PTPRK: variants seen among roughly 807,000 people sequenced by gnomAD.
PTPRK encodes the protein protein tyrosine phosphatase receptor type K.
PTPRK carries 75 observed loss-of-function variants against 178.0 expected under a neutral mutation model. The observed-to-expected ratio is 0.42, with a 90% CI of 0.35 to 0.51. The LOEUF is 0.51. PTPRK is among the 20% of genes least tolerant of loss of function. PTPRK has a pLI of 0.02. For missense variants in PTPRK, 1,441 were observed against 1,797.8 expected (o/e 0.80, Z 3.59); for synonymous variants, 637 against 620.6 (o/e 1.03, Z -0.39).
intron 3 of PTPRK, among the ~76,000 whole-genome samples, chr6:128,261,503 C>T (rs767805633): frequency 6.6e-6 from 1 of 152,006 alleles, no homozygotes; most frequent in Non-Finnish European, 1.5e-5. Flanking sequence ...ATGTTTGTAA[C>T]ACAGTAAAAA....
intron 1 of PTPRK, among the ~76,000 whole-genome samples, chr6:128,453,914 CA>C (rs1280761230): frequency 2.0e-5 from 3 of 152,028 alleles, no homozygotes; most frequent in Non-Finnish European, 4.4e-5. Context: ...TCCAGGTAAC[CA>C]AATAGCCCTG....
intron 1 of PTPRK, among the ~76,000 whole-genome samples, chr6:128,515,184 C>T (rs1299688322): frequency 6.6e-6 from 1 of 152,128 alleles, no homozygotes; most frequent in Non-Finnish European, 1.5e-5. Context: ...TGTCTATCCC[C>T]ATTTATAAAA....
At chr6:128,196,146 T>C (rs779605679) in intron 6 of PTPRK, among the ~76,000 whole-genome samples, 1 of 152,188 alleles carries the variant, frequency 6.6e-6, no homozygotes, top group Middle Eastern at 3.4e-3. Context: ...TCATGGGCAA[T>C]TGGAGAATAT....
chr6:128,168,890 T>A (rs1482002818), intron 7 of PTPRK, among the ~76,000 whole-genome samples: 7 of 152,106 alleles, frequency 4.6e-5, no homozygotes, highest in Non-Finnish European at 1.0e-4. Context: ...TATATCTACA[T>A]AATTCTTCCC....
chr6:128,328,970 C>A (rs1178300478), intron 2 of PTPRK, among the ~76,000 whole-genome samples: 2 of 151,914 alleles, frequency 1.3e-5, no homozygotes, highest in African/African-American at 4.8e-5. Context: ...ATTATGTAAC[C>A]TCTGGGAAAT....
intron 6 of PTPRK, among the ~76,000 whole-genome samples, chr6:128,204,848 A>G (rs1299805489): frequency 2.0e-5 from 3 of 152,212 alleles, no homozygotes; most frequent in African/African-American, 7.2e-5. Flanking sequence ...TGCGGAAGAC[A>G]GTGTGGCAAT....
At chr6:128,295,156 T>C (rs1824087245) in intron 3 of PTPRK, among the ~76,000 whole-genome samples, 1 of 152,142 alleles carries the variant, frequency 6.6e-6, no homozygotes, top group Admixed American at 6.6e-5. Context: ...TGTCAACATA[T>C]GAATACTTTC....
At chr6:128,341,970 C>T (rs780848336) in intron 2 of PTPRK, among the ~76,000 whole-genome samples, 6 of 152,064 alleles carry the variant, frequency 3.9e-5, no homozygotes, top group Admixed American at 6.6e-5. Flanking sequence ...AAGGTATATA[C>T]GGCCAGTCGC....
intron 1 of PTPRK, among the ~76,000 whole-genome samples, chr6:128,442,057 T>C (rs963760967): frequency 1.3e-5 from 2 of 152,160 alleles, no homozygotes; most frequent in Non-Finnish European, 2.9e-5. Context: ...TGAATAAATA[T>C]CAGAAAAGAC....
chr6:128,079,765 G>C (rs1180349625), intron 10 of PTPRK, among the ~76,000 whole-genome samples: 1 of 151,926 alleles, frequency 6.6e-6, no homozygotes, highest in African/African-American at 2.4e-5. Context: ...ATTAAAAGTA[G>C]GAATTCACAT....
At chr6:128,274,013 A>G (rs968320999) in intron 3 of PTPRK, among the ~76,000 whole-genome samples, 1 of 152,166 alleles carries the variant, frequency 6.6e-6, no homozygotes, top group African/African-American at 2.4e-5. Flanking sequence ...ATATGGTAAG[A>G]GTGAAAACAA....
chr6:128,210,589 T>G (rs933700666), intron 6 of PTPRK, among the ~76,000 whole-genome samples: 5 of 152,166 alleles, frequency 3.3e-5, no homozygotes, highest in African/African-American at 7.2e-5. Flanking sequence ...TCGGAAGAGC[T>G]GGCTTTGCCT....
chr6:128,387,524 T>C (rs1838915661), intron 2 of PTPRK, among the ~76,000 whole-genome samples: 1 of 152,254 alleles, frequency 6.6e-6, no homozygotes, highest in Non-Finnish European at 1.5e-5. Context: ...TTATAAATGT[T>C]TCCCTTATTC....
At chr6:128,497,466 A>C (rs1448141086) in intron 1 of PTPRK, among the ~76,000 whole-genome samples, 1 of 152,164 alleles carries the variant, frequency 6.6e-6, no homozygotes, top group Non-Finnish European at 1.5e-5. Flanking sequence ...TAATTTGAAC[A>C]CAAACTAGAC....
At chr6:128,333,484 T>TA (rs547906006) in intron 2 of PTPRK, among the ~76,000 whole-genome samples, 146 of 151,698 alleles carry the variant, frequency 9.6e-4, no homozygotes, top group African/African-American at 3.3e-3. Context: ...GCATCATGTC[T>TA]AAAAAAAAGG....
At chr6:128,257,318 C>CATTTT (rs985298136) in intron 3 of PTPRK, among the ~76,000 whole-genome samples, 14 of 151,042 alleles carry the variant, frequency 9.3e-5, no homozygotes, top group Non-Finnish European at 1.5e-4. Flanking sequence ...TGCCTTTTTT[C>CATTTT]ATTTTATTTT....
chr6:128,085,154 A>C (rs1785532001), intron 8 of PTPRK: 1 of 152,190 alleles, frequency 6.6e-6, no homozygotes, highest in African/African-American at 2.4e-5. Context: ...ACCCACAATA[A>C]ACAGAAAATA....
intron 2 of PTPRK, among the ~76,000 whole-genome samples, chr6:128,366,591 A>C (rs1835520856): frequency 6.6e-6 from 1 of 152,148 alleles, no homozygotes; most frequent in African/African-American, 2.4e-5. Context: ...GGCTGAGTAA[A>C]TAAACTCTTA....
intron 1 of PTPRK, among the ~76,000 whole-genome samples, chr6:128,496,704 T>C (rs1854714275): frequency 6.6e-6 from 1 of 152,210 alleles, no homozygotes; most frequent in African/African-American, 2.4e-5. Context: ...GTAAGATTTA[T>C]TATCTTCTAA....
Sources: gnomAD v4.1 joint callset for allele counts (sites outside exome capture counted in the v4.1 genomes callset) on GRCh38, gnomAD v4.1.1 for gene constraint, MANE v1.5 for transcripts, NCBI Gene and HGNC (gene_info 2026-07-23, HGNC 2026-07-21) for gene names.